The following VWA3B variants were observed in gnomAD, a reference collection of about 807,000 sequenced individuals.
VWA3B encodes von Willebrand factor A domain-containing protein 3B.
VWA3B carries 138 observed loss-of-function variants against 158.3 expected under a neutral mutation model. The observed-to-expected ratio is 0.87, with a 90% confidence interval of 0.76 to 1.00. The LOEUF (loss-of-function observed/expected upper bound fraction) is 1.00. Ranked by LOEUF, VWA3B falls within the 50% of genes least tolerant of loss-of-function variation. The pLI, the probability that VWA3B is intolerant of heterozygous loss-of-function variation, is 0.00. For missense variants in VWA3B, 1,555 were observed against 1,565.1 expected (o/e 0.99, Z 0.11); for synonymous variants, 596 against 587.3 (o/e 1.01, Z -0.21).
chr2:98,105,760 G>A (rs1214851268), intron 2 of VWA3B, among the ~76,000 whole-genome samples: 1 of 148,496 alleles, frequency 6.7e-6, no homozygotes, highest in African/African-American at 2.6e-5. Flanking sequence ...AAAGCAAATG[G>A]TTCATTTTTT....
intron 2 of VWA3B, among the ~76,000 whole-genome samples, chr2:98,093,624 A>G (rs1682511306): frequency 6.6e-6 from 1 of 152,168 alleles, no homozygotes; most frequent in African/African-American, 2.4e-5. Flanking sequence ...TAACAAATGC[A>G]TTGCCTCATA....
intron 2 of VWA3B, among the ~76,000 whole-genome samples, chr2:98,111,764 G>T (rs1365578908): frequency 6.6e-6 from 1 of 152,020 alleles, no homozygotes; most frequent in African/African-American, 2.4e-5. Flanking sequence ...TTGCTGAATA[G>T]TTTAACTTCC....
intron 24 of VWA3B, among the ~76,000 whole-genome samples, chr2:98,299,450 G>A (rs1162821672): frequency 6.6e-6 from 1 of 152,200 alleles, no homozygotes; most frequent in Admixed American, 6.5e-5. Flanking sequence ...CTGCTGTCTT[G>A]CCCAGTGTGA....
intron 7 of VWA3B, among the ~76,000 whole-genome samples, chr2:98,158,833 G>A (rs1678328288): frequency 6.6e-6 from 1 of 152,124 alleles, no homozygotes. Flanking sequence ...CGGGTTCATG[G>A]TGCAGAGTGT....
chr2:98,093,053 C>G lies in VWA3B; in HGVS notation c.-32-8C>G. The G allele has an allele frequency of 4.4e-6, 7 of 1,594,158 alleles. No homozygotes were observed. The highest frequency in any genetic ancestry group is 6.0e-6 in the Non-Finnish European group (7 of 1,166,472). On this transcript the variant is annotated splice_region_variant and splice_polypyrimidine_tract_variant and intron_variant, in intron 1 of 27. Transcript: ENST00000477737. ...TTAGGAAGTCTGAGTTTATGATTGC[C>G]CTTACAGGAGTTTGCTGTGACTTAG...
intron 21 of VWA3B, among the ~76,000 whole-genome samples, chr2:98,258,899 G>A (rs921283663): frequency 4.0e-5 from 6 of 151,762 alleles, no homozygotes; most frequent in African/African-American, 1.2e-4. Flanking sequence ...GGACGTTCTT[G>A]TCTTGTTCCT....
Position 98,228,169 on chromosome 2 carries a change from G to C in VWA3B, c.2020-33G>C. On this transcript the variant is annotated intron_variant, in intron 14 of 27. Coordinates refer to ENST00000477737, the MANE Select transcript of VWA3B (RefSeq NM_144992.5). ...TTGGAATTTGAGCTCTTTTTATCTA[G>C]TCTTATAGCATATTCACTTCTCATT... 1.9e-6 allele frequency: 3 copies of C among 1,592,918 alleles called. No homozygotes were observed. In the East Asian group the frequency reaches 6.7e-5, roughly 36 times the overall value.
At chr2:98,157,586 A>G (rs534387927) in intron 7 of VWA3B, among the ~76,000 whole-genome samples, 27 of 152,348 alleles carry the variant, frequency 1.8e-4, no homozygotes, top group African/African-American at 6.5e-4. Context: ...ACAGTGTATT[A>G]TATTTTTTAA....
At chr2:98,146,893 A>G (rs1677212298) in intron 7 of VWA3B, among the ~76,000 whole-genome samples, 2 of 152,174 alleles carry the variant, frequency 1.3e-5, no homozygotes, top group Non-Finnish European at 2.9e-5. Context: ...GGGCTCTAAG[A>G]GCAAATGTGG....
intron 21 of VWA3B, among the ~76,000 whole-genome samples, chr2:98,265,802 G>T (rs1401165343): frequency 2.6e-4 from 36 of 136,454 alleles, no homozygotes; most frequent in Admixed American, 5.1e-4. Flanking sequence ...CAGTGATGAT[G>T]AGCATTTTTT....
At chr2:98,168,705 TG>T (rs1679321757) in intron 8 of VWA3B, among the ~76,000 whole-genome samples, 1 of 152,156 alleles carries the variant, frequency 6.6e-6, no homozygotes, top group Non-Finnish European at 1.5e-5. Context: ...GAAAGCTTAC[TG>T]AATGGAATCA....
At chr2:98,264,998 A>ATTTATTTAT (rs754588099) in intron 21 of VWA3B, among the ~76,000 whole-genome samples, 1 of 151,964 alleles carries the variant, frequency 6.6e-6, no homozygotes, top group South Asian at 2.1e-4. Context: ...TTATTAAGTC[A>ATTTATTTAT]TAAGTTGATA....
chr2:98,262,843 G>A (rs1687569598), intron 21 of VWA3B, among the ~76,000 whole-genome samples: 1 of 151,632 alleles, frequency 6.6e-6, no homozygotes, highest in Non-Finnish European at 1.5e-5. Flanking sequence ...ATTTTGATAG[G>A]GATTGCATAG....
intron 22 of VWA3B, among the ~76,000 whole-genome samples, chr2:98,290,303 A>T (rs1294653148): frequency 6.6e-6 from 1 of 152,160 alleles, no homozygotes; most frequent in Non-Finnish European, 1.5e-5. Context: ...TTATCACAAG[A>T]ACAGCACTAG....
the VWA3B span, among the ~76,000 whole-genome samples, chr2:98,320,809 G>A: frequency 1.3e-5 from 2 of 152,206 alleles, no homozygotes; most frequent in Non-Finnish European, 2.9e-5. Context: ...TGATGCAATA[G>A]GAGAGAAAAC....
At chr2:98,208,559 T>C (rs1683219393) in intron 12 of VWA3B, among the ~76,000 whole-genome samples, 1 of 152,212 alleles carries the variant, frequency 6.6e-6, no homozygotes, top group African/African-American at 2.4e-5. Flanking sequence ...ATGTATTTCC[T>C]TATACATATA....
intron 7 of VWA3B, among the ~76,000 whole-genome samples, chr2:98,142,536 C>T (rs1275699666): frequency 6.6e-6 from 1 of 152,106 alleles, no homozygotes; most frequent in Non-Finnish European, 1.5e-5. Flanking sequence ...CATAGGCCTC[C>T]CTGGGGGCAA....
chr2:98,245,257 T>C (rs1686317961), intron 19 of VWA3B, among the ~76,000 whole-genome samples: 1 of 152,022 alleles, frequency 6.6e-6, no homozygotes, highest in Non-Finnish European at 1.5e-5. Context: ...CAAACAGAGC[T>C]CTCAATGTCT....
intron 13 of VWA3B, chr2:98,216,985 C>CCCCCA (rs373240618): frequency 7.2e-6 from 9 of 1,245,396 alleles, no homozygotes; most frequent in East Asian, 1.1e-4. Context: ...TGTAAGCACC[C>CCCCCA]GCCCCGCACC....
Sources: allele counts gnomAD v4.1 joint callset (sites outside exome capture counted in the v4.1 genomes callset), GRCh38; gene constraint gnomAD v4.1.1; transcripts MANE v1.5; gene names NCBI Gene and HGNC (gene_info 2026-07-23, HGNC 2026-07-21).